BUB3: variants seen among roughly 807,000 people sequenced by gnomAD.
BUB3 encodes mitotic checkpoint protein BUB3.
BUB3 carries 22 observed loss-of-function variants against 39.9 expected under a neutral mutation model. The observed-to-expected ratio is 0.55, with a 90% CI of 0.39 to 0.79. BUB3 has a LOEUF of 0.79. Ranked by LOEUF, BUB3 falls within the 30% of genes least tolerant of loss-of-function variation. The probability of loss-of-function intolerance (pLI) is 0.00; values close to 1 mark genes in which losing one functional copy is unlikely to be tolerated. For missense variants in BUB3, 303 were observed against 415.4 expected (o/e 0.73, Z 2.35); for synonymous variants, 168 against 155.1 (o/e 1.08, Z -0.62).
Position 123,164,403 on chromosome 10 carries a change from C to T in BUB3, c.*568C>T, listed in dbSNP as rs1188268783. 2.0e-6 allele frequency: 2 copies of T among 985,476 alleles called. No individual in the cohort carries two copies. Among genetic ancestry groups the T allele is most frequent in the African/African-American group, 3.5e-5 (2 of 57,224 alleles). The allele number at this position is 985,476 out of a possible 1,614,324, so 61.0% of individuals were successfully genotyped here. A position where few individuals can be genotyped will look rare whatever the true frequency, so the allele number is the denominator to read the frequency against. On this transcript the variant is annotated 3_prime_UTR_variant, in exon 8 of 8. Coordinates refer to ENST00000368865, the MANE Select transcript of BUB3 (RefSeq NM_004725.4). ...TTAAGGTTAGACTCTTGGGAATCAG[C>T]TAGTTTTCAATCTTATTAGGGTGCA...
chr10:123,164,199 A>G lies in BUB3; in HGVS notation c.*364A>G, dbSNP rs1844459238. 1 of 1,002,992 alleles carries G rather than the reference A, an allele frequency of 1.0e-6. No homozygotes were observed. Among genetic ancestry groups the G allele is most frequent in the Non-Finnish European group, 1.2e-6 (1 of 842,190 alleles). The allele number at this position is 1,002,992 out of a possible 1,614,324, so 62.1% of individuals were successfully genotyped here. On this transcript the variant is annotated 3_prime_UTR_variant, in exon 8 of 8. Coordinates refer to ENST00000368865, the MANE Select transcript of BUB3 (RefSeq NM_004725.4). ...GCATTCTTTCTGGACCTTAAATGGT[A>G]GAGGAAAAGGCTCGTGAGCCATTTG...
In BUB3 at chr10:123,165,792, C is replaced by G. The variant is rs1844485126; in HGVS notation, c.*1957C>G. 1 of 152,162 alleles carries G rather than the reference C, an allele frequency of 6.6e-6. No individual in the cohort carries two copies. Among genetic ancestry groups the G allele is most frequent in the African/African-American group, 2.4e-5 (1 of 41,426 alleles). 9.4% of individuals were successfully genotyped at this position (152,162 alleles called of 1,614,324 possible). On this transcript the variant is annotated 3_prime_UTR_variant, in exon 8 of 8. Coordinates refer to ENST00000368865, the MANE Select transcript of BUB3 (RefSeq NM_004725.4). The stretch of plus-strand genomic sequence containing the variant: ...CCCTTCTGTACTTAGCCATCAAATA[C>G]TAAATCACAGTGAAGCCCTTGGGAA...
chr10:123,157,955 T>C, intron 4 of BUB3, 75 bp downstream of exon 4: 2 of 1,397,722 alleles, frequency 1.4e-6, no homozygotes, highest in Non-Finnish European at 9.5e-7. Context: ...TTGTTGACTA[T>C]GCTTGTTGAA....
intron 4 of BUB3, among the ~76,000 whole-genome samples, chr10:123,158,589 G>C (rs1241324748): frequency 6.6e-6 from 1 of 152,122 alleles, no homozygotes; most frequent in Non-Finnish European, 1.5e-5. Context: ...TTTCCTCAGC[G>C]TGAATATACT....
chr10:123,164,939 TTTTTAATTCTTTTGA>T lies in BUB3; in HGVS notation c.*1106_*1120del. The T allele has an allele frequency of 6.7e-7, 1 of 1,494,950 alleles. No individual in the cohort carries two copies. Among genetic ancestry groups the T allele is most frequent in the Non-Finnish European group, 8.9e-7 (1 of 1,124,012 alleles). The allele number at this position is 1,494,950 out of a possible 1,614,324, so 92.6% of individuals were successfully genotyped here. On this transcript the variant is annotated 3_prime_UTR_variant, in exon 8 of 8. Transcript: ENST00000368865. ...GATTTATTTTATCCGTGATGTATTTTTTTTAATTCTTTTGATACAGAGAAGGGTCTTTTTTTTTTT... is the reference window on the plus strand; with the variant it reads ...GATTTATTTTATCCGTGATGTATTTTTACAGAGAAGGGTCTTTTTTTTTTT...
At position 123,162,796 on chromosome 10, in the gene BUB3, T is replaced by G. The variant is rs1431124733; in HGVS notation, c.939T>G (p.Ile313Met). 1 of 1,613,496 alleles carries G rather than the reference T, an allele frequency of 6.2e-7. No homozygotes were observed. The highest frequency in any genetic ancestry group is 1.3e-5 in the African/African-American group (1 of 75,000). Residue 313 changes from isoleucine (I) to methionine (M), a missense_variant, in exon 7 of 8, where the codon ATT (isoleucine) becomes ATG (methionine). Transcript: ENST00000368865. ...DTEHPEDGIF[I>M]RQVTDAETKP... ...AACATCCTGAAGATGGTATCTTCAT[T>G]CGCCAAGTGACAGATGCAGAAACAA...
rs1300833663 is a variant in BUB3 at position 123,168,518 on chromosome 10, T to A, written c.*4683T>A. On this transcript the variant is annotated 3_prime_UTR_variant, in exon 8 of 8. Coordinates refer to ENST00000368865, the MANE Select transcript of BUB3 (RefSeq NM_004725.4). ...GGCTTTGAAGGTGGCCCAAAACAAA[T>A]TCATAAACTTTTGTAAAACGTGAGA... is the stretch of plus-strand genomic sequence containing the variant. The A allele has an allele frequency of 6.6e-6, 1 of 152,184 alleles. No homozygotes were observed. The highest frequency in any genetic ancestry group is 1.9e-4 in the East Asian group (1 of 5,198). The allele number at this position is 152,184 out of a possible 1,614,324, so 9.4% of individuals were successfully genotyped here. A position where few individuals can be genotyped will look rare whatever the true frequency, so the allele number is the denominator to read the frequency against.
At position 123,164,992 on chromosome 10, in the gene BUB3, G is replaced by T; in HGVS notation, c.*1157G>T. ...TCTTTTTTTTTTTAAGTATTTCAGT[G>T]AAAACTTGGTGTAAGTCTGAACCCA... On this transcript the variant is annotated 3_prime_UTR_variant, in exon 8 of 8. Coordinates refer to ENST00000368865, the MANE Select transcript of BUB3 (RefSeq NM_004725.4). 6.4e-7 allele frequency: 1 copy of T among 1,569,720 alleles called. No individual in the cohort carries two copies.
rs980437179 is a variant in BUB3, at chr10:123,157,993, GA to G, written c.417+119del. On this transcript the variant is annotated intron_variant, in intron 4 of 7. Transcript: ENST00000368865. Reference sequence around the variant, plus strand: ...TAAAGGTGAAAAGTCAACATGGGGGGAAAAAAGGTTGACAGTTGGTTTTATA... The same window carrying G: ...TAAAGGTGAAAAGTCAACATGGGGGGAAAAAGGTTGACAGTTGGTTTTATA... 1.9e-4 allele frequency: 214 copies of G among 1,151,344 alleles called. 1 individual carries two copies. The highest frequency in any genetic ancestry group is 1.1e-3 in the Middle Eastern group (5 of 4,738). 71.3% of individuals were successfully genotyped at this position (1,151,344 alleles called of 1,614,324 possible).
At position 123,155,041 on chromosome 10, in the gene BUB3, T is replaced by C; in HGVS notation, c.124T>C (p.Tyr42His). The C allele has an allele frequency of 1.2e-6, 2 of 1,614,166 alleles. No individual in the cohort carries two copies. Among genetic ancestry groups the C allele is most frequent in the Non-Finnish European group, 1.7e-6 (2 of 1,180,024 alleles). The stretch of plus-strand genomic sequence containing the variant: ...CTCCTGGGACACGTCCGTGCGTCTC[T>C]ACGATGTGCCGGCCAACTCCATGCG... Reference protein sequence around the residue: ...VSSWDTSVRLYDVPANSMRLK... With the variant: ...VSSWDTSVRLHDVPANSMRLK... The change falls in exon 2 of 8, where the codon TAC becomes CAC. Residue 42 changes from tyrosine (Y) to histidine (H), a missense_variant. Physicochemically the swap from Tyr to His is moderately conservative, Grantham distance 83 (BLOSUM62 2). Transcript: ENST00000368865.
intron 3 of BUB3, among the ~76,000 whole-genome samples, chr10:123,156,196 G>T (rs866041858): frequency 2.6e-5 from 4 of 152,126 alleles, no homozygotes; most frequent in African/African-American, 7.2e-5. Context: ...ATATGTTTCC[G>T]TTGCATTTTT....
chr10:123,155,644 A>C lies in BUB3; in HGVS notation c.196-14A>C, dbSNP rs368753088. Reference sequence around the variant, plus strand: ...AAAGTTCTAGTTTTTAAACGGTTCAAAACTATTTTATAGGATCCAACGCAT... The same window carrying C: ...AAAGTTCTAGTTTTTAAACGGTTCACAACTATTTTATAGGATCCAACGCAT... On this transcript the variant is annotated splice_polypyrimidine_tract_variant and intron_variant, in intron 2 of 7. Transcript: ENST00000368865. 6.2e-7 allele frequency: 1 copy of C among 1,613,482 alleles called. No homozygotes were observed. The highest frequency in any genetic ancestry group is 1.1e-5 in the South Asian group (1 of 91,056).
chr10:123,164,760 A>C lies in BUB3; in HGVS notation c.*925A>C. On this transcript the variant is annotated 3_prime_UTR_variant, in exon 8 of 8. Coordinates refer to ENST00000368865, the MANE Select transcript of BUB3 (RefSeq NM_004725.4). Reference sequence around the variant, plus strand: ...TTAAAAAGAAAAAAATTATAGTGAGAATGAGATTCATTTCAATGTAATGCA... The same window carrying C: ...TTAAAAAGAAAAAAATTATAGTGAGCATGAGATTCATTTCAATGTAATGCA... The C allele has an allele frequency of 2.6e-6, 3 of 1,150,034 alleles. No homozygotes were observed. The highest frequency in any genetic ancestry group is 3.2e-6 in the Non-Finnish European group (3 of 935,926). The allele number at this position is 1,150,034 out of a possible 1,614,324, so 71.2% of individuals were successfully genotyped here. A position where few individuals can be genotyped will look rare whatever the true frequency, so the allele number is the denominator to read the frequency against.
At position 123,164,905 on chromosome 10, in the gene BUB3, C is replaced by T; in HGVS notation, c.*1070C>T. The stretch of plus-strand genomic sequence containing the variant: ...GTATGTCTCTGAGTAGGACTTGGAC[C>T]TTTCCTGAGATTTATTTTATCCGTG... On this transcript the variant is annotated 3_prime_UTR_variant, in exon 8 of 8. Transcript: ENST00000368865. The T allele has an allele frequency of 7.0e-7, 1 of 1,429,844 alleles. No homozygotes were observed. Among genetic ancestry groups the T allele is most frequent in the Non-Finnish European group, 9.1e-7 (1 of 1,094,088 alleles). The allele number at this position is 1,429,844 out of a possible 1,614,324, so 88.6% of individuals were successfully genotyped here.
At chr10:123,156,551 G>C (rs959999681) in intron 3 of BUB3, among the ~76,000 whole-genome samples, 2 of 152,192 alleles carry the variant, frequency 1.3e-5, no homozygotes, top group Non-Finnish European at 2.9e-5. Context: ...TATACTGCAG[G>C]TATTGGGTTT....
chr10:123,167,723 A>G lies in BUB3; in HGVS notation c.*3888A>G, dbSNP rs569177367. The G allele has an allele frequency of 6.6e-6, 1 of 152,332 alleles. No homozygotes were observed. Among genetic ancestry groups the G allele is most frequent in the African/African-American group, 2.4e-5 (1 of 41,582 alleles). The allele number at this position is 152,332 out of a possible 1,614,324, so 9.4% of individuals were successfully genotyped here. A position where few individuals can be genotyped will look rare whatever the true frequency, so the allele number is the denominator to read the frequency against. On this transcript the variant is annotated 3_prime_UTR_variant, in exon 8 of 8. Transcript: ENST00000368865. Reference sequence around the variant, plus strand: ...TGCAGAAAAATTTGGATAGCATGCAAAAAATGAAACATACTATCACAATCC... The same window carrying G: ...TGCAGAAAAATTTGGATAGCATGCAGAAAATGAAACATACTATCACAATCC...
At position 123,154,495 on chromosome 10, in the gene BUB3, C is replaced by T; in HGVS notation, c.-1+10C>T. ...CTGAGGGGAGCCCAAGGTAGGGAGG[C>T]GAGGCGACGGTGTGCGGGAGCGGGC... On this transcript the variant is annotated intron_variant, in intron 1 of 7. Transcript: ENST00000368865. 1 of 160,834 alleles carries T rather than the reference C, an allele frequency of 6.2e-6. No individual in the cohort carries two copies. The highest frequency in any genetic ancestry group is 1.4e-5 in the Non-Finnish European group (1 of 73,814). The allele number at this position is 160,834 out of a possible 1,614,324, so 10.0% of individuals were successfully genotyped here.
intron 3 of BUB3, among the ~76,000 whole-genome samples, chr10:123,156,753 G>GTTTTTTGTTTTTTTTTTTTT (rs1844352719): frequency 3.7e-5 from 5 of 135,080 alleles, no homozygotes; most frequent in African/African-American, 1.4e-4. Flanking sequence ...TTTCTTTCTT[G>GTTTTTTGTTTTTTTTTTTTT]TTTTTTTTTT....
rs1844495272 is a variant in BUB3 at position 123,166,602 on chromosome 10, A to T, written c.*2767A>T. 2 of 152,200 alleles carry T rather than the reference A, an allele frequency of 1.3e-5. No individual in the cohort carries two copies. The highest frequency in any genetic ancestry group is 2.1e-4 in the South Asian group (1 of 4,838). The allele number at this position is 152,200 out of a possible 1,614,324, so 9.4% of individuals were successfully genotyped here. On this transcript the variant is annotated 3_prime_UTR_variant, in exon 8 of 8. Transcript: ENST00000368865. The stretch of plus-strand genomic sequence containing the variant: ...AAAGATTTTTAAAAAATGTATTCTG[A>T]TGTCATACTTGGAATCCTCCACTGC...
Sources: gnomAD v4.1 joint callset for allele counts (sites outside exome capture counted in the v4.1 genomes callset) on GRCh38, gnomAD v4.1.1 for gene constraint, MANE v1.5 for transcripts, NCBI Gene and HGNC (gene_info 2026-07-23, HGNC 2026-07-21) for gene names.